CDH22: variants seen among roughly 807,000 people sequenced by gnomAD.
The protein encoded by CDH22 is cadherin-22.
In CDH22, 30 loss-of-function variants were observed where a neutral mutation model predicts 58.4. The ratio of observed to expected loss-of-function variants is 0.51; its 90% CI spans 0.38 to 0.70. The LOEUF is 0.70. CDH22 is among the 30% of genes least tolerant of loss of function. The pLI is 0.00. For synonymous variants in CDH22, 513 were observed against 558.2 expected, an observed-to-expected ratio of 0.92 and a Z score of 1.14; for missense variants, 1,014 against 1,233.9, an observed-to-expected ratio of 0.82 and a Z score of 2.67.
intron 1 of CDH22, among the ~76,000 whole-genome samples, chr20:46,277,215 G>A (rs1406682373): frequency 6.6e-6 from 1 of 151,848 alleles, no homozygotes; most frequent in African/African-American, 2.4e-5. Context: ...AAATCAGGCT[G>A]TTAGAATGGT....
At chr20:46,237,301 G>A (rs1471504530) in intron 3 of CDH22, among the ~76,000 whole-genome samples, 1 of 152,158 alleles carries the variant, frequency 6.6e-6, no homozygotes. Flanking sequence ...GCTCAGAAGC[G>A]TGGCTCATCG....
chr20:46,282,750 C>CG (rs1189224240), intron 1 of CDH22, among the ~76,000 whole-genome samples: 1 of 149,670 alleles, frequency 6.7e-6, no homozygotes, highest in African/African-American at 2.4e-5. Context: ...AGTTCTCCCC[C>CG]GGGGGAGGGA....
At chr20:46,253,458 A>G (rs1222974797) in intron 1 of CDH22, among the ~76,000 whole-genome samples, 2 of 152,038 alleles carry the variant, frequency 1.3e-5, no homozygotes, top group Non-Finnish European at 2.9e-5. Context: ...CTCTTTCCCT[A>G]TAGGTCCAAG....
At chr20:46,232,045 TG>T in intron 3 of CDH22, among the ~76,000 whole-genome samples, 1 of 152,180 alleles carries the variant, frequency 6.6e-6, no homozygotes, top group African/African-American at 2.4e-5. Context: ...AGAAGACCCC[TG>T]GACACCAGCA....
intron 1 of CDH22, among the ~76,000 whole-genome samples, chr20:46,258,954 G>C (rs2086419166): frequency 6.6e-6 from 1 of 152,220 alleles, no homozygotes; most frequent in Non-Finnish European, 1.5e-5. Flanking sequence ...CAGGGGGTTT[G>C]GGACAGCGGC....
intron 1 of CDH22, among the ~76,000 whole-genome samples, chr20:46,253,597 C>T (rs2086391922): frequency 6.6e-6 from 1 of 152,222 alleles, no homozygotes. Context: ...CTGCTCTGTG[C>T]TGCCACCTCC....
chr20:46,197,032 C>A (rs1412255591), intron 8 of CDH22, among the ~76,000 whole-genome samples: 1 of 152,132 alleles, frequency 6.6e-6, no homozygotes, highest in East Asian at 1.9e-4. Context: ...GATACATCTC[C>A]TTCCCCACAG....
chr20:46,231,921 G>A (rs2086222917), intron 3 of CDH22, among the ~76,000 whole-genome samples: 2 of 152,126 alleles, frequency 1.3e-5, no homozygotes, highest in African/African-American at 2.4e-5. Context: ...CTGCTATGAG[G>A]ATTAGAAATG....
intron 1 of CDH22, among the ~76,000 whole-genome samples, chr20:46,307,721 T>TCG (rs2059030257): frequency 6.6e-6 from 1 of 151,666 alleles, no homozygotes; most frequent in Non-Finnish European, 1.5e-5. Context: ...CGGCACGACC[T>TCG]CGCACACACA....
At chr20:46,230,160 G>A (rs1225529126) in intron 3 of CDH22, among the ~76,000 whole-genome samples, 1 of 152,080 alleles carries the variant, frequency 6.6e-6, no homozygotes, top group Non-Finnish European at 1.5e-5. Context: ...TGCCAGGCTT[G>A]TAGCTACTGT....
At chr20:46,294,902 G>A (rs1046106170) in intron 1 of CDH22, among the ~76,000 whole-genome samples, 19 of 152,236 alleles carry the variant, frequency 1.2e-4, no homozygotes, top group Non-Finnish European at 2.8e-4. Context: ...CACAGGCCTG[G>A]CACCCGGCAG....
intron 1 of CDH22, among the ~76,000 whole-genome samples, chr20:46,252,575 T>A (rs2086384779): frequency 6.6e-6 from 1 of 152,258 alleles, no homozygotes; most frequent in Non-Finnish European, 1.5e-5. Flanking sequence ...ACAGCGATGC[T>A]GCTTAATGGA....
intron 3 of CDH22, among the ~76,000 whole-genome samples, chr20:46,231,551 G>A (rs991155115): frequency 6.6e-6 from 1 of 152,164 alleles, no homozygotes; most frequent in African/African-American, 2.4e-5. Context: ...GACTTCCCCA[G>A]GGACACATCA....
At chr20:46,198,899 A>G (rs2085931229) in intron 8 of CDH22, among the ~76,000 whole-genome samples, 1 of 150,960 alleles carries the variant, frequency 6.6e-6, no homozygotes, top group African/African-American at 2.4e-5. Context: ...ATGTTCCCCT[A>G]AGAGAAGCAA....
intron 7 of CDH22, among the ~76,000 whole-genome samples, chr20:46,200,394 T>C (rs1326960982): frequency 6.6e-6 from 1 of 151,456 alleles, no homozygotes; most frequent in Non-Finnish European, 1.5e-5. Context: ...CCTGACTCAC[T>C]GAGCCTCCCG....
In CDH22 at chr20:46,216,384, G is replaced by A. The variant is rs1381344871; in HGVS notation, c.838+442C>T. 6.6e-6 allele frequency among the ~76,000 whole-genome samples: 1 copy of A among 152,250 alleles called. No homozygotes were observed. The highest frequency in any genetic ancestry group is 1.5e-5 in the Non-Finnish European group (1 of 68,050). ...CACAACCTCTATCTGTCTGGGGGCT[G>A]AGCTGCCTCTGCCTAGATCCCTGGG... On this transcript the variant is annotated intron_variant, in intron 5 of 11. Coordinates refer to ENST00000537909, the MANE Select transcript of CDH22 (RefSeq NM_021248.3). The surrounding 1 kb of genome is among the most constrained non-coding windows in gnomAD (Gnocchi z 5.3).
intron 1 of CDH22, among the ~76,000 whole-genome samples, chr20:46,278,600 T>C (rs964723194): frequency 3.9e-5 from 6 of 152,156 alleles, no homozygotes; most frequent in Admixed American, 3.9e-4. Context: ...ATCTATTTTT[T>C]TTGAGACAGG....
At chr20:46,223,666 CTTCTTTCTTTCTTTCTTTCT>C (rs369876048) in intron 4 of CDH22, among the ~76,000 whole-genome samples, 39 of 115,624 alleles carry the variant, frequency 3.4e-4, no homozygotes, top group South Asian at 6.3e-4. Flanking sequence ...TTTTTCTTTC[CTTCTTTCTTTCTTTCTTTCT>C]TTCTTTCTTT....
At chr20:46,271,987 T>TGACTC (rs2086492451) in intron 1 of CDH22, among the ~76,000 whole-genome samples, 1 of 152,222 alleles carries the variant, frequency 6.6e-6, no homozygotes, top group African/African-American at 2.4e-5. Context: ...TCCCTAAAAC[T>TGACTC]GACTCTTCTC....
Sources: gnomAD v4.1 joint callset for allele counts (sites outside exome capture counted in the v4.1 genomes callset) on GRCh38, gnomAD v4.1.1 for gene constraint, Gnocchi (gnomAD v3.1) non-coding constraint, MANE v1.5 for transcripts, NCBI Gene and HGNC (gene_info 2026-07-23, HGNC 2026-07-21) for gene names.